AKAP13: variants seen among roughly 807,000 people sequenced by gnomAD.
The protein encoded by AKAP13 is A-kinase anchoring protein 13.
A neutral mutation model predicts 264.5 loss-of-function variants in AKAP13; 80 were observed. The observed-to-expected ratio is 0.30, with a 90% CI of 0.25 to 0.36. AKAP13 has a LOEUF of 0.36. Ranked by LOEUF, AKAP13 falls within the 10% of genes least tolerant of loss-of-function variation. AKAP13 has a pLI of 1.00. For synonymous variants in AKAP13, 1,380 were observed against 1,250.2 expected, an observed-to-expected ratio of 1.10 and a Z score of -2.19; for missense variants, 3,712 against 3,435.2, an observed-to-expected ratio of 1.08 and a Z score of -2.01.
chr15:85,735,544 C>G lies in AKAP13; in HGVS notation c.7442-16C>G. ...TCACAACTTTAAAAAAAAAAACAAC[C>G]CTATTTTTTGTTTAGGAGGCGAGAA... On this transcript the variant is annotated splice_polypyrimidine_tract_variant and intron_variant, in intron 31 of 36. Coordinates refer to ENST00000394518, the MANE Select transcript of AKAP13 (RefSeq NM_007200.5). 2 of 1,600,524 alleles carry G rather than the reference C, an allele frequency of 1.2e-6. No homozygotes were observed. The highest frequency in any genetic ancestry group is 1.7e-6 in the Non-Finnish European group (2 of 1,175,850).
At chr15:85,426,955 G>GTTTTTT (rs71468105) in intron 1 of AKAP13, among the ~76,000 whole-genome samples, 60 of 125,018 alleles carry the variant, frequency 4.8e-4, no homozygotes, top group Non-Finnish European at 6.3e-4. Flanking sequence ...GTTTTGTTTT[G>GTTTTTT]TTTTTTTTTT....
intron 8 of AKAP13, among the ~76,000 whole-genome samples, chr15:85,637,122 T>C (rs532398463): frequency 1.2e-4 from 19 of 152,368 alleles, no homozygotes; most frequent in African/African-American, 4.1e-4. Flanking sequence ...AGTTTTCTTA[T>C]ATCTGTCTGG....
intron 16 of AKAP13, among the ~76,000 whole-genome samples, chr15:85,686,025 C>G (rs758407381): frequency 1.3e-5 from 2 of 152,068 alleles, no homozygotes; most frequent in Non-Finnish European, 2.9e-5. Context: ...ATTTCAAGTC[C>G]GTGGGGAAAA....
chr15:85,498,001 T>C (rs560866027), intron 2 of AKAP13, among the ~76,000 whole-genome samples: 11 of 151,908 alleles, frequency 7.2e-5, no homozygotes, highest in Admixed American at 3.3e-4. Context: ...GAAGAACATA[T>C]GGATTTTGTC....
Position 85,655,754 on chromosome 15 carries a change from A to T in AKAP13, c.4712A>T (p.Asn1571Ile). Residue 1571 changes from asparagine (N) to isoleucine (I), a missense_variant, in exon 11 of 37, where the codon AAT becomes ATT. By Grantham distance (149) the Asn-to-Ile change is moderately radical. This residue lies in a region of AKAP13 where 2,759 missense variants were observed against 2,411.7 expected (regional missense o/e 1.14). Coordinates refer to ENST00000394518, the MANE Select transcript of AKAP13 (RefSeq NM_007200.5). ...FRRHSWGPGKNAASDAEMNHR... is the reference protein window; with the variant it reads ...FRRHSWGPGKIAASDAEMNHR... The stretch of plus-strand genomic sequence containing the variant: ...AGGCACAGCTGGGGGCCTGGGAAAA[A>T]TGCAGCCAGCGATGCAGAAATGAAC... 6.2e-7 allele frequency: 1 copy of T among 1,611,546 alleles called. No individual in the cohort carries two copies. The highest frequency in any genetic ancestry group is 1.3e-5 in the African/African-American group (1 of 74,996).
chr15:85,396,901 CTTTT>C (rs34499592), intron 1 of AKAP13, among the ~76,000 whole-genome samples: 16 of 114,610 alleles, frequency 1.4e-4, no homozygotes, highest in Admixed American at 3.5e-4. Flanking sequence ...GTATGTTAGA[CTTTT>C]TTTTTTTTTT....
chr15:85,414,064 G>A (rs960510590), intron 1 of AKAP13, among the ~76,000 whole-genome samples: 5 of 152,128 alleles, frequency 3.3e-5, no homozygotes, highest in African/African-American at 1.2e-4. Flanking sequence ...AGGAAAAAAG[G>A]TGTAACTCTT....
intron 8 of AKAP13, among the ~76,000 whole-genome samples, chr15:85,628,804 A>G (rs1387380119): frequency 1.3e-5 from 2 of 152,194 alleles, no homozygotes; most frequent in African/African-American, 4.8e-5. Flanking sequence ...TTTTCCAATA[A>G]ATCTTTCTTG....
At chr15:85,467,043 G>A (rs543530932) in intron 1 of AKAP13, among the ~76,000 whole-genome samples, 2 of 150,654 alleles carry the variant, frequency 1.3e-5, no homozygotes, top group African/African-American at 4.9e-5. Flanking sequence ...TACCTTCTCT[G>A]CATTGGATAC....
chr15:85,575,210 C>G lies in AKAP13; in HGVS notation c.742C>G (p.Arg248Gly), dbSNP rs2078965262. 8 of 1,613,970 alleles carry G rather than the reference C, an allele frequency of 5.0e-6. No homozygotes were observed. Among genetic ancestry groups the G allele is most frequent in the Non-Finnish European group, 5.9e-6 (7 of 1,180,024 alleles). The change falls in exon 6 of 37, where the codon CGA becomes GGA. Residue 248 changes from arginine (R) to glycine (G), a missense_variant. Coordinates refer to ENST00000394518, the MANE Select transcript of AKAP13 (RefSeq NM_007200.5). ...TGGAGACTGTTCTGTGAGGCATCATCGAGAGTTGGACATCTATACATTAAC... is the reference window on the plus strand; with the variant it reads ...TGGAGACTGTTCTGTGAGGCATCATGGAGAGTTGGACATCTATACATTAAC... ...PYGDCSVRHHRELDIYTLTSE... is the reference protein window; with the variant it reads ...PYGDCSVRHHGELDIYTLTSE...
intron 12 of AKAP13, among the ~76,000 whole-genome samples, chr15:85,659,276 G>T (rs2083232305): frequency 6.6e-6 from 1 of 152,160 alleles, no homozygotes; most frequent in Non-Finnish European, 1.5e-5. Context: ...AGTCATTAGT[G>T]ACCTTCCATT....
intron 1 of AKAP13, among the ~76,000 whole-genome samples, chr15:85,425,711 G>A (rs1418208383): frequency 1.7e-5 from 2 of 119,958 alleles, no homozygotes; most frequent in Non-Finnish European, 3.5e-5. Context: ...GTGAGACTCT[G>A]TCTCAAAAAA....
At chr15:85,584,142 T>C (rs2079238696) in intron 7 of AKAP13, among the ~76,000 whole-genome samples, 1 of 152,218 alleles carries the variant, frequency 6.6e-6, no homozygotes, top group Non-Finnish European at 1.5e-5. Context: ...ATTCTACTCA[T>C]AGATTTAATC....
chr15:85,732,987 G>A (rs977441355), intron 30 of AKAP13, among the ~76,000 whole-genome samples: 1 of 152,156 alleles, frequency 6.6e-6, no homozygotes, highest in Admixed American at 6.5e-5. Flanking sequence ...TACGCTGTCA[G>A]TTTATAACTG....
At chr15:85,716,027 T>C (rs2086915228) in intron 20 of AKAP13, 104 bp downstream of exon 20, 2 of 1,399,662 alleles carry the variant, frequency 1.4e-6, no homozygotes, top group Non-Finnish European at 1.9e-6. Context: ...AAGAAATAAA[T>C]CTATAAGGTC....
At chr15:85,546,456 C>A (rs944870666) in intron 5 of AKAP13, among the ~76,000 whole-genome samples, 1 of 151,778 alleles carries the variant, frequency 6.6e-6, no homozygotes, top group Non-Finnish European at 1.5e-5. Flanking sequence ...AAGAAAAGAT[C>A]ATCTTTAACA....
chr15:85,715,997 A>G (rs2086911918), intron 20 of AKAP13, 74 bp downstream of exon 20: 25 of 1,530,696 alleles, frequency 1.6e-5, no homozygotes, highest in Non-Finnish European at 2.2e-5. Context: ...TCATATGACA[A>G]AAAGCTTTTT....
intron 1 of AKAP13, among the ~76,000 whole-genome samples, 165 bp downstream of exon 1, chr15:85,380,963 C>T (rs1449493309): frequency 2.0e-5 from 3 of 152,100 alleles, no homozygotes; most frequent in African/African-American, 7.2e-5. Flanking sequence ...GGTCGCCGGG[C>T]GGCGCCGGGA....
At chr15:85,638,225 C>G (rs1432159967) in intron 8 of AKAP13, among the ~76,000 whole-genome samples, 1 of 152,052 alleles carries the variant, frequency 6.6e-6, no homozygotes, top group East Asian at 1.9e-4. Flanking sequence ...AGTTTTTCCC[C>G]AGTATCTTTT....
Sources: allele counts gnomAD v4.1 joint callset (sites outside exome capture counted in the v4.1 genomes callset), GRCh38; gene constraint gnomAD v4.1.1; regional missense constraint gnomAD v4.1.1; transcripts MANE v1.5; gene names NCBI Gene and HGNC (gene_info 2026-07-23, HGNC 2026-07-21).